ICAM1: variants seen among roughly 807,000 people sequenced by gnomAD.
ICAM1 encodes the protein ICAM-1.
Under a neutral mutation model 42.3 loss-of-function variants are expected in ICAM1, and 28 were observed. The observed-to-expected ratio is 0.66, with a 90% CI of 0.49 to 0.91. The LOEUF is 0.91. Ranked by LOEUF, ICAM1 falls within the 40% of genes least tolerant of loss-of-function variation. ICAM1 has a pLI of 0.00. For synonymous variants in ICAM1, 304 were observed against 305.9 expected, an observed-to-expected ratio of 0.99 and a Z score of 0.07; for missense variants, 637 against 688.6, an observed-to-expected ratio of 0.93 and a Z score of 0.84.
intron 2 of ICAM1, chr19:10,282,347 A>G (rs934280736): frequency 1.3e-5 from 2 of 152,188 alleles, no homozygotes; most frequent in Non-Finnish European, 2.9e-5. Context: ...TCCCAGGTTC[A>G]AGAGATTCTC....
At chr19:10,277,806 T>C (rs1336435346) in intron 2 of ICAM1, among the ~76,000 whole-genome samples, 1 of 152,218 alleles carries the variant, frequency 6.6e-6, no homozygotes. Flanking sequence ...CTTTGCGTCC[T>C]TCCTACTTTG....
chr19:10,280,610 C>A (rs544889652), intron 2 of ICAM1, among the ~76,000 whole-genome samples: 1 of 151,646 alleles, frequency 6.6e-6, no homozygotes, highest in Non-Finnish European at 1.5e-5. Context: ...GCTCTTATTG[C>A]CCAGGCTGAA....
rs281436 is a variant in ICAM1 at position 10,286,455 on chromosome 19, G to A, written c.*1168G>A. ...GGTTCACTGCAGTCTTGACCTTTTG[G>A]GCTCAAGTGATCCTCCCACCTCAGC... On this transcript the variant is annotated 3_prime_UTR_variant, in exon 7 of 7. Coordinates refer to ENST00000264832, the MANE Select transcript of ICAM1 (RefSeq NM_000201.3). 44,156 of 152,376 alleles carry A rather than the reference G, an allele frequency of 0.29. 6,767 individuals are homozygous for A. The highest frequency in any genetic ancestry group is 0.41 in the Middle Eastern group (121 of 296). The allele number at this position is 152,376 out of a possible 1,614,324, so 9.4% of individuals were successfully genotyped here.
At chr19:10,271,889 C>T (rs1160949598) in intron 1 of ICAM1, among the ~76,000 whole-genome samples, 1 of 152,028 alleles carries the variant, frequency 6.6e-6, no homozygotes, top group Non-Finnish European at 1.5e-5. Context: ...CCAGCTCCAG[C>T]CCAGCTAGGG....
At chr19:10,276,921 G>A (rs1374294463) in intron 2 of ICAM1, among the ~76,000 whole-genome samples, 1 of 150,022 alleles carries the variant, frequency 6.7e-6, no homozygotes, top group African/African-American at 2.4e-5. Context: ...GTTGCGGTGA[G>A]CTGAGATTGC....
Position 10,274,798 on chromosome 19 carries a change from CAAA to C in ICAM1, c.103_105del (p.Lys35del). ...AATGCCCAGACATCTGTGTCCCCCT[CAAA>C]AGTCATCCTGCCCCGGGGAGGCTCC... On this transcript the variant is annotated inframe_deletion, in exon 2 of 7. Coordinates refer to ENST00000264832, the MANE Select transcript of ICAM1 (RefSeq NM_000201.3). 1 of 1,614,138 alleles carries C rather than the reference CAAA, an allele frequency of 6.2e-7. No homozygotes were observed. Among genetic ancestry groups the C allele is most frequent in the Non-Finnish European group, 8.5e-7 (1 of 1,180,024 alleles).
chr19:10,284,290 C>CAGG lies in ICAM1; in HGVS notation c.898_900dup (p.Glu300dup), dbSNP rs1358537666. Reference sequence around the variant, plus strand: ...TGCAGTAATACTGGGGAACCAGAGCCAGGAGACACTGCAGACAGTGACCAT... The same window carrying CAGG: ...TGCAGTAATACTGGGGAACCAGAGCCAGGAGGAGACACTGCAGACAGTGACCAT... On this transcript the variant is annotated inframe_insertion, in exon 4 of 7. Coordinates refer to ENST00000264832, the MANE Select transcript of ICAM1 (RefSeq NM_000201.3). The surrounding 1 kb of genome is among the most constrained non-coding windows in gnomAD (Gnocchi z 5.4). 1 of 1,613,806 alleles carries CAGG rather than the reference C, an allele frequency of 6.2e-7. No homozygotes were observed. The highest frequency in any genetic ancestry group is 1.1e-5 in the South Asian group (1 of 91,086).
chr19:10,280,209 G>A (rs2040046281), intron 2 of ICAM1, among the ~76,000 whole-genome samples: 1 of 152,234 alleles, frequency 6.6e-6, no homozygotes, highest in Admixed American at 6.5e-5. Flanking sequence ...GCTGCACCAG[G>A]CAGCTGAGCT....
Position 10,285,562 on chromosome 19 carries a change from G to T in ICAM1, c.*275G>T. 1 of 417,198 alleles carries T rather than the reference G, an allele frequency of 2.4e-6. No homozygotes were observed. Among genetic ancestry groups the T allele is most frequent in the Non-Finnish European group, 4.3e-6 (1 of 230,630 alleles). 25.8% of individuals were successfully genotyped at this position (417,198 alleles called of 1,614,324 possible). A position where few individuals can be genotyped will look rare whatever the true frequency, so the allele number is the denominator to read the frequency against. ...CATGATTGATGGATGTTAAAGTCTA[G>T]CCTGATGAGAGGGGAAGTGGTGGGG... On this transcript the variant is annotated 3_prime_UTR_variant, in exon 7 of 7. Coordinates refer to ENST00000264832, the MANE Select transcript of ICAM1 (RefSeq NM_000201.3).
At chr19:10,280,812 A>G (rs896866847) in intron 2 of ICAM1, among the ~76,000 whole-genome samples, 2 of 142,580 alleles carry the variant, frequency 1.4e-5, no homozygotes, top group South Asian at 2.2e-4. Flanking sequence ...CAGATGATCC[A>G]CCTGCCTCGG....
intron 1 of ICAM1, among the ~76,000 whole-genome samples, chr19:10,274,435 C>T (rs1433212905): frequency 6.6e-6 from 1 of 151,904 alleles, no homozygotes; most frequent in Non-Finnish European, 1.5e-5. Flanking sequence ...GTGCCTCAGC[C>T]TCCCAAATAG....
Position 10,285,288 on chromosome 19 carries a change from AC to A in ICAM1, c.*3del. On this transcript the variant is annotated 3_prime_UTR_variant, in exon 7 of 7. Coordinates refer to ENST00000264832, the MANE Select transcript of ICAM1 (RefSeq NM_000201.3). Reference sequence around the variant, plus strand: ...GAACACACAAGCCACGCCTCCCTGAACCTATCCCGGGACAGGGCCTCTTCCT... The same window carrying A: ...GAACACACAAGCCACGCCTCCCTGAACTATCCCGGGACAGGGCCTCTTCCT... The A allele has an allele frequency of 6.2e-7, 1 of 1,613,336 alleles. No individual in the cohort carries two copies. Among genetic ancestry groups the A allele is most frequent in the Non-Finnish European group, 8.5e-7 (1 of 1,179,516 alleles).
chr19:10,280,866 GC>G (rs1368725357), intron 2 of ICAM1, among the ~76,000 whole-genome samples: 2 of 123,434 alleles, frequency 1.6e-5, no homozygotes, highest in African/African-American at 3.2e-5. Context: ...ACCGTGCCCG[GC>G]CTTTTTTTTT....
rs1019582176 is a variant in ICAM1 at position 10,275,891 on chromosome 19, G to A, written c.331+863G>A. Among the ~76,000 whole-genome samples, 16 of 151,464 alleles carry A rather than the reference G, an allele frequency of 1.1e-4. No individual in the cohort carries two copies. The South Asian group carries it at 1.9e-3, about 18-fold the overall frequency. ...CCCGGCTCATTTTTTTGTATTTTTA[G>A]TAGAGACGGGGTTTCACTGTGTTAG... On this transcript the variant is annotated intron_variant, in intron 2 of 6. Coordinates refer to ENST00000264832, the MANE Select transcript of ICAM1 (RefSeq NM_000201.3).
rs2040085629 is a variant in ICAM1, at chr19:10,284,328, G to T, written c.925+8G>T. Reference sequence around the variant, plus strand: ...AGACAGTGACCATCTACAGTAAGAAGGGGCAGGGGCGGAGTGGGGCTTCTT... The same window carrying T: ...AGACAGTGACCATCTACAGTAAGAATGGGCAGGGGCGGAGTGGGGCTTCTT... On this transcript the variant is annotated splice_region_variant and intron_variant, in intron 4 of 6. Transcript: ENST00000264832. The surrounding 1 kb of genome is among the most constrained non-coding windows in gnomAD (Gnocchi z 5.4). 6.2e-7 allele frequency: 1 copy of T among 1,612,866 alleles called. No homozygotes were observed. Among genetic ancestry groups the T allele is most frequent in the Admixed American group, 1.7e-5 (1 of 60,028 alleles).
In ICAM1 at chr19:10,283,603, C is replaced by T. The variant is rs750824008; in HGVS notation, c.454C>T (p.Arg152Cys). ...PRANLTVVLL[R>C]GEKELKREPA... ...GGCCAACCTCACCGTGGTGCTGCTCCGTGGGGAGAAGGAGCTGAAACGGGA... is the reference window on the plus strand; with the variant it reads ...GGCCAACCTCACCGTGGTGCTGCTCTGTGGGGAGAAGGAGCTGAAACGGGA... The change falls in exon 3 of 7, where the codon CGT (arginine) becomes TGT (cysteine). Residue 152 changes from arginine (R) to cysteine (C), a missense_variant. Arg to Cys is a radical substitution (Grantham distance 180, BLOSUM62 -3). Coordinates refer to ENST00000264832, the MANE Select transcript of ICAM1 (RefSeq NM_000201.3). 10 of 1,613,980 alleles carry T rather than the reference C, an allele frequency of 6.2e-6. No homozygotes were observed. In the East Asian group the frequency reaches 1.1e-4, roughly 18 times the overall value.
At chr19:10,274,285 A>G (rs183227613) in intron 1 of ICAM1, among the ~76,000 whole-genome samples, 4 of 150,070 alleles carry the variant, frequency 2.7e-5, no homozygotes, top group African/African-American at 7.4e-5. Flanking sequence ...TATTAACATC[A>G]GTTATTAATT....
chr19:10,271,231 G>A lies in ICAM1; in HGVS notation c.67+5G>A. The A allele has an allele frequency of 6.2e-7, 1 of 1,612,676 alleles. No homozygotes were observed. ...TGCTCGGGGCTCTGTTCCCAGGTGA[G>A]TCGGGGTGGGGATTGCCGTCGGGCC... On this transcript the variant is annotated splice_donor_5th_base_variant and intron_variant, in intron 1 of 6. Transcript: ENST00000264832.
intron 2 of ICAM1, among the ~76,000 whole-genome samples, chr19:10,280,966 C>T (rs1188417180): frequency 1.3e-5 from 2 of 148,422 alleles, no homozygotes; most frequent in South Asian, 2.2e-4. Context: ...CTCCGCCTCC[C>T]GGGTTCACTC....
Sources: allele counts gnomAD v4.1 joint callset (sites outside exome capture counted in the v4.1 genomes callset), GRCh38; gene constraint gnomAD v4.1.1; non-coding constraint Gnocchi (gnomAD v3.1); transcripts MANE v1.5; gene names NCBI Gene and HGNC (gene_info 2026-07-23, HGNC 2026-07-21).